Variants in TRIP12 observed in about 807,000 individuals in gnomAD.
The protein encoded by TRIP12 is E3 ubiquitin-protein ligase TRIP12.
In TRIP12, 25 loss-of-function variants were observed where a neutral mutation model predicts 244.2. The ratio of observed to expected loss-of-function variants is 0.10; its 90% CI spans 0.07 to 0.14. TRIP12 has a LOEUF of 0.14. TRIP12 is among the 10% of genes least tolerant of loss of function. The pLI is 1.00. For missense variants in TRIP12, 1,677 were observed against 2,486.4 expected (o/e 0.67, Z 6.92); for synonymous variants, 905 against 873.1 (o/e 1.04, Z -0.64).
intron 6 of TRIP12, among the ~76,000 whole-genome samples, chr2:229,833,473 G>A (rs1325233057): frequency 6.6e-6 from 1 of 152,056 alleles, no homozygotes; most frequent in Non-Finnish European, 1.5e-5. Context: ...TTTTTTTGTA[G>A]AGACAGGGTT....
chr2:229,863,301 A>C (rs952534281), intron 2 of TRIP12, among the ~76,000 whole-genome samples: 1 of 152,108 alleles, frequency 6.6e-6, no homozygotes, highest in Non-Finnish European at 1.5e-5. Context: ...AAATTATTTT[A>C]AAGTGTGATA....
At position 229,797,799 on chromosome 2, in the gene TRIP12, G is replaced by C; in HGVS notation, c.3515C>G (p.Ala1172Gly). Residue 1172 changes from alanine (A) to glycine (G), a missense_variant, in exon 24 of 42, where the codon GCA becomes GGA. By Grantham distance (60) the Ala-to-Gly change is moderately conservative. Around this residue, in one of 11 missense-constraint regions of TRIP12, gnomAD observed 572 missense variants for 867.8 expected, o/e 0.66. Coordinates refer to ENST00000675903, the MANE Select transcript of TRIP12 (RefSeq NM_001348323.3). ...GAAATAACGTTCTACAAATTTATGT[G>C]CCTGCTCCTTAATCCAACCTTTAAT... is the stretch of plus-strand genomic sequence containing the variant. ...EKIKGWIKEQ[A>G]HKFVERYFSS... 2.5e-6 allele frequency: 4 copies of C among 1,613,902 alleles called. No homozygotes were observed. Among genetic ancestry groups the C allele is most frequent in the Non-Finnish European group, 3.4e-6 (4 of 1,179,900 alleles).
At chr2:229,777,545 G>A (rs2036657926) in intron 36 of TRIP12, 66 bp from the exon 37 acceptor site, 6 of 1,517,954 alleles carry the variant, frequency 4.0e-6, no homozygotes, top group Non-Finnish European at 4.5e-6. Flanking sequence ...TCCATCTAAG[G>A]CACTTCAGGA....
chr2:229,880,056 A>G lies in TRIP12; in HGVS notation c.24T>C (p.Asn8=). The G allele has an allele frequency of 3.1e-6, 5 of 1,614,016 alleles. No individual in the cohort carries two copies. The Admixed American group carries it at 8.3e-5, about 27-fold the overall frequency. ...GTGAACGTCGCAGTGACCCCCCTGG[A>G]TTGTTATTAGGCCGGTTGGACATTG... The part of the protein sequence containing the change: MSNRPNN[N]PGGSLRRSQR... Residue 8 remains asparagine (N), a synonymous_variant, in exon 2 of 42, where the codon AAT becomes AAC. Coordinates refer to ENST00000675903, the MANE Select transcript of TRIP12 (RefSeq NM_001348323.3).
chr2:229,866,707 C>G (rs1396843123), intron 2 of TRIP12, among the ~76,000 whole-genome samples: 1 of 152,162 alleles, frequency 6.6e-6, no homozygotes, highest in African/African-American at 2.4e-5. Context: ...AGGTAACAGT[C>G]TAGTCCCTGT....
intron 1 of TRIP12, among the ~76,000 whole-genome samples, chr2:229,909,089 CAAAAA>C (rs11390500): frequency 6.3e-5 from 7 of 110,716 alleles, no homozygotes; most frequent in South Asian, 3.1e-4. Context: ...GACTCTGTCT[CAAAAA>C]AAAAAAAAAA....
At chr2:229,770,992 A>T (rs2034095972) in intron 39 of TRIP12, among the ~76,000 whole-genome samples, 1 of 152,238 alleles carries the variant, frequency 6.6e-6, no homozygotes, top group South Asian at 2.1e-4. Context: ...GCATGAAAAC[A>T]GACTAATACA....
At chr2:229,805,222 A>AAACAACAACAACAACAAC (rs1297499840) in intron 18 of TRIP12, among the ~76,000 whole-genome samples, 9,080 of 149,384 alleles carry the variant, frequency 0.061, 430 homozygotes, top group African/African-American at 0.12. Context: ...GCCCTTTTCA[A>AAACAACAACAACAACAAC]AACAACAACA....
In TRIP12 at chr2:229,784,106, G is replaced by A. The variant is rs187945571; in HGVS notation, c.5094+1651C>T. ...GCCTGGGCAACAAGAGCAAAACTCCGTCTCAAAAAAAAAAAAGAGAGAGAA... is the reference window on the plus strand; with the variant it reads ...GCCTGGGCAACAAGAGCAAAACTCCATCTCAAAAAAAAAAAAGAGAGAGAA... On this transcript the variant is annotated intron_variant, in intron 34 of 41. Coordinates refer to ENST00000675903, the MANE Select transcript of TRIP12 (RefSeq NM_001348323.3). Among the ~76,000 whole-genome samples the A allele has an allele frequency of 3.7e-3, 467 of 127,002 alleles. 3 individuals carry two copies. Among genetic ancestry groups the A allele is most frequent in the African/African-American group, 0.013 (399 of 31,312 alleles). The allele number at this position is 127,002 out of a possible 152,430, so 83.3% of individuals were successfully genotyped here. A position where few individuals can be genotyped will look rare whatever the true frequency, so the allele number is the denominator to read the frequency against.
intron 19 of TRIP12, 69 bp downstream of exon 19, chr2:229,803,930 T>C: frequency 6.5e-6 from 9 of 1,374,704 alleles, no homozygotes; most frequent in East Asian, 2.4e-5. Flanking sequence ...ATTATTACTT[T>C]AGAGGTTTCT....
chr2:229,807,386 TGATAGAA>T (rs2046143092), intron 17 of TRIP12: 1 of 327,970 alleles, frequency 3.0e-6, no homozygotes, highest in Non-Finnish European at 5.8e-6. Flanking sequence ...CATTGCTTTC[TGATAGAA>T]GATAGATAAA....
intron 1 of TRIP12, among the ~76,000 whole-genome samples, chr2:229,893,301 T>C (rs2067855981): frequency 6.6e-6 from 1 of 152,226 alleles, no homozygotes; most frequent in Non-Finnish European, 1.5e-5. Flanking sequence ...TTGCTTCATG[T>C]TTTCAGTTAA....
chr2:229,798,136 A>G (rs1245217009), intron 23 of TRIP12, among the ~76,000 whole-genome samples: 1 of 152,248 alleles, frequency 6.6e-6, no homozygotes, highest in East Asian at 1.9e-4. Context: ...TTCCTAAAGT[A>G]CATACATATC....
At chr2:229,840,997 C>A (rs993357060) in intron 4 of TRIP12, 70 bp from the exon 5 acceptor site, 44 of 1,158,816 alleles carry the variant, frequency 3.8e-5, no homozygotes, top group Admixed American at 8.0e-5. Context: ...TTATAAAATT[C>A]TTCAGGTCAT....
chr2:229,787,156 G>A (rs566189500), intron 33 of TRIP12, among the ~76,000 whole-genome samples: 105 of 152,226 alleles, frequency 6.9e-4, no homozygotes, highest in Non-Finnish European at 1.3e-3. Flanking sequence ...ATTACATAAG[G>A]GATCAATTTT....
chr2:229,849,379 T>C (rs1022103917), intron 4 of TRIP12, among the ~76,000 whole-genome samples: 21 of 151,798 alleles, frequency 1.4e-4, no homozygotes, highest in African/African-American at 5.1e-4. Context: ...GGTAGGTGAA[T>C]GGGGTGGGGT....
chr2:229,861,589 C>G (rs930038457), intron 2 of TRIP12, among the ~76,000 whole-genome samples: 12 of 152,168 alleles, frequency 7.9e-5, no homozygotes, highest in Admixed American at 2.0e-4. Context: ...AAATGAGTCA[C>G]TGAAAATCTC....
intron 34 of TRIP12, among the ~76,000 whole-genome samples, chr2:229,783,114 G>A (rs1225527067): frequency 6.6e-6 from 1 of 152,210 alleles, no homozygotes. Context: ...TACAGCTCCA[G>A]CCCCAGGGTC....
At chr2:229,916,479 T>C (rs750092348) in intron 1 of TRIP12, among the ~76,000 whole-genome samples, 7 of 152,090 alleles carry the variant, frequency 4.6e-5, no homozygotes, top group Non-Finnish European at 7.4e-5. Context: ...CACTTGAACC[T>C]GGAAGGTGGA....
Sources: allele counts gnomAD v4.1 joint callset (sites outside exome capture counted in the v4.1 genomes callset), GRCh38; gene constraint gnomAD v4.1.1; regional missense constraint gnomAD v4.1.1; transcripts MANE v1.5; gene names NCBI Gene and HGNC (gene_info 2026-07-23, HGNC 2026-07-21).